Variants in DCP2 observed in about 807,000 individuals in gnomAD.
The protein encoded by DCP2 is m7GpppN-mRNA hydrolase.
DCP2 carries 30 observed loss-of-function variants against 56.1 expected under a neutral mutation model. The ratio of observed to expected loss-of-function variants is 0.53; its 90% CI spans 0.40 to 0.73. DCP2 has a LOEUF of 0.73. DCP2 is among the 30% of genes least tolerant of loss of function. The pLI, the probability that DCP2 is intolerant of heterozygous loss-of-function variation, is 0.00. For synonymous variants in DCP2, 197 were observed against 163.3 expected (o/e 1.21, Z -1.57); for missense variants, 533 against 502.7 (o/e 1.06, Z -0.58).
Position 113,020,160 on chromosome 5 carries a change from C to A in DCP2, c.*6676C>A, listed in dbSNP as rs1003130180. ...TATTTTGAGACCTTTTGCTGGTAGA[C>A]AAAAACTGAGGAAATGTTTCACTAA... On this transcript the variant is annotated 3_prime_UTR_variant, in exon 11 of 11. Coordinates refer to ENST00000389063, the MANE Select transcript of DCP2 (RefSeq NM_152624.6). The A allele has an allele frequency of 5.3e-5, 8 of 152,124 alleles. No individual in the cohort carries two copies. Among genetic ancestry groups the A allele is most frequent in the Non-Finnish European group, 1.2e-4 (8 of 68,004 alleles). The allele number at this position is 152,124 out of a possible 1,614,324, so 9.4% of individuals were successfully genotyped here.
intron 7 of DCP2, among the ~76,000 whole-genome samples, chr5:113,002,519 TTTTG>T (rs1475968370): frequency 1.3e-5 from 2 of 151,936 alleles, no homozygotes; most frequent in Non-Finnish European, 2.9e-5. Flanking sequence ...GCTTGGAACT[TTTTG>T]TTTGTTTTTT....
chr5:113,007,164 A>G, intron 8 of DCP2, among the ~76,000 whole-genome samples: 1 of 152,100 alleles, frequency 6.6e-6, no homozygotes, highest in East Asian at 1.9e-4. Flanking sequence ...GTTATTTTGT[A>G]AAAATATAGT....
intron 8 of DCP2, among the ~76,000 whole-genome samples, chr5:113,007,310 G>A (rs1477729699): frequency 6.6e-6 from 1 of 151,808 alleles, no homozygotes; most frequent in African/African-American, 2.4e-5. Context: ...TTACAGAGAG[G>A]TTCCATTTAT....
chr5:113,002,679 C>T (rs1226981272), intron 7 of DCP2, among the ~76,000 whole-genome samples: 1 of 152,018 alleles, frequency 6.6e-6, no homozygotes, highest in Non-Finnish European at 1.5e-5. Context: ...GCCACTAAGC[C>T]TGGCTAATTT....
Position 113,015,928 on chromosome 5 carries a change from T to A in DCP2, c.*2444T>A, listed in dbSNP as rs1367364315. On this transcript the variant is annotated 3_prime_UTR_variant, in exon 11 of 11. Transcript: ENST00000389063. ...TGAATATGCAATCATTTACTTCTAC[T>A]GAGTGCTGCATTTTAAGATGCTAGA... 1 of 152,660 alleles carries A rather than the reference T, an allele frequency of 6.6e-6. No individual in the cohort carries two copies. The highest frequency in any genetic ancestry group is 1.5e-5 in the Non-Finnish European group (1 of 68,042). The allele number at this position is 152,660 out of a possible 1,614,324, so 9.5% of individuals were successfully genotyped here.
In DCP2 at chr5:113,000,420, A is replaced by ACACACACACACACACACACACACC. The variant is rs112449298; in HGVS notation, c.433-659_433-658insACACACACACACACACACCCACAC. Among the ~76,000 whole-genome samples, 6 of 146,652 alleles carry ACACACACACACACACACACACACC rather than the reference A, an allele frequency of 4.1e-5. 1 individual carries two copies. Among genetic ancestry groups the ACACACACACACACACACACACACC allele is most frequent in the African/African-American group, 1.5e-4 (6 of 39,730 alleles). ...CTAATACACACACACACACACACACACACACCCACACACCCTACCTGAGTT... is the reference window on the plus strand; with the variant it reads ...CTAATACACACACACACACACACACACACACACACACACACACACACACCCACACCCACACACCCTACCTGAGTT... On this transcript the variant is annotated intron_variant, in intron 4 of 10. Coordinates refer to ENST00000389063, the MANE Select transcript of DCP2 (RefSeq NM_152624.6).
chr5:112,979,407 C>T (rs1747894213), intron 1 of DCP2, among the ~76,000 whole-genome samples: 1 of 151,868 alleles, frequency 6.6e-6, no homozygotes, highest in Non-Finnish European at 1.5e-5. Context: ...TTTTTTTACA[C>T]TTAGAATTTG....
chr5:113,001,053 T>G, intron 4 of DCP2, 31 bp from the exon 5 acceptor site: 2 of 1,563,838 alleles, frequency 1.3e-6, no homozygotes, highest in Non-Finnish European at 1.7e-6. Context: ...AGAACTAAAA[T>G]GAAAATTTCA....
intron 10 of DCP2, 143 bp downstream of exon 10, chr5:113,010,950 G>A: frequency 1.2e-6 from 1 of 825,204 alleles, no homozygotes. Flanking sequence ...GTTCATGTAT[G>A]TAGAGTTCTC....
At chr5:112,977,023 G>T (rs1335610095) in intron 1 of DCP2, 37 bp downstream of exon 1, 1 of 1,462,164 alleles carries the variant, frequency 6.8e-7, no homozygotes. Context: ...CCCCCGTCGG[G>T]TTTTCTCAGT....
chr5:112,984,119 A>G (rs910381186), intron 1 of DCP2: 10 of 152,212 alleles, frequency 6.6e-5, no homozygotes, highest in African/African-American at 2.4e-4. Context: ...ACAGATGTGT[A>G]CCAGGTGTAG....
Position 113,020,184 on chromosome 5 carries a change from A to C in DCP2, c.*6700A>C, listed in dbSNP as rs1750047447. On this transcript the variant is annotated 3_prime_UTR_variant, in exon 11 of 11. Transcript: ENST00000389063. ...ACAAAAACTGAGGAAATGTTTCACTAAATATATTATGGTCAATGAAAAAAC... is the reference window on the plus strand; with the variant it reads ...ACAAAAACTGAGGAAATGTTTCACTCAATATATTATGGTCAATGAAAAAAC... The C allele has an allele frequency of 6.6e-6, 1 of 152,220 alleles. No individual in the cohort carries two copies. The highest frequency in any genetic ancestry group is 2.1e-4 in the South Asian group (1 of 4,834). The allele number at this position is 152,220 out of a possible 1,614,324, so 9.4% of individuals were successfully genotyped here.
chr5:113,008,064 C>A lies in DCP2; in HGVS notation c.1047+22C>A, dbSNP rs1232022812. 4 of 1,586,722 alleles carry A rather than the reference C, an allele frequency of 2.5e-6. No individual in the cohort carries two copies. The Admixed American group carries it at 6.8e-5, about 27-fold the overall frequency. On this transcript the variant is annotated intron_variant, in intron 9 of 10. Transcript: ENST00000389063. ...GATGGTAAGAGTTATAGCTGTCACA[C>A]TAAGTAGGCAGTTCATCCTCTGAAG...
At chr5:113,007,877 T>A in intron 8 of DCP2, 61 bp from the exon 9 acceptor site, 4 of 1,347,770 alleles carry the variant, frequency 3.0e-6, no homozygotes, top group Non-Finnish European at 4.1e-6. Flanking sequence ...TCATGGGGTA[T>A]TTTTTTTGTG....
intron 4 of DCP2, among the ~76,000 whole-genome samples, chr5:112,994,978 G>A (rs958858148): frequency 6.6e-6 from 1 of 152,082 alleles, no homozygotes; most frequent in African/African-American, 2.4e-5. Context: ...TCGATTTCCT[G>A]CAACAATGTT....
At position 113,010,621 on chromosome 5, in the gene DCP2, GGAT is replaced by G. The variant is rs1749641348; in HGVS notation, c.1048-128_1048-126del. Reference sequence around the variant, plus strand: ...ATACAAAAATACTGGTGAGAGAATGGGATGATGATTATATTCCTGGTTCAGTTT... The same window carrying G: ...ATACAAAAATACTGGTGAGAGAATGGGATGATTATATTCCTGGTTCAGTTT... On this transcript the variant is annotated intron_variant, in intron 9 of 10. Transcript: ENST00000389063. 6.7e-6 allele frequency: 7 copies of G among 1,044,646 alleles called. No homozygotes were observed. The South Asian group carries it at 1.0e-4, about 15-fold the overall frequency. 64.7% of individuals were successfully genotyped at this position (1,044,646 alleles called of 1,614,324 possible).
chr5:112,988,460 C>G (rs923473268), intron 2 of DCP2, among the ~76,000 whole-genome samples: 29 of 139,030 alleles, frequency 2.1e-4, no homozygotes, highest in African/African-American at 7.7e-4. Flanking sequence ...CCACTGCACT[C>G]CAGCCTGGGT....
rs373599829 is a variant in DCP2 at position 113,016,840 on chromosome 5, C to CTTTTTTTTTTTTTTTTTTTTTTTTTTT, written c.*3374_*3375insTTTTTTTTTTTTTTTTTTTTTTTTTTT. 1 of 122,392 alleles carries CTTTTTTTTTTTTTTTTTTTTTTTTTTT rather than the reference C, an allele frequency of 8.2e-6. No individual in the cohort carries two copies. Among genetic ancestry groups the CTTTTTTTTTTTTTTTTTTTTTTTTTTT allele is most frequent in the Non-Finnish European group, 1.6e-5 (1 of 60,894 alleles). 7.6% of individuals were successfully genotyped at this position (122,392 alleles called of 1,614,324 possible). A position where few individuals can be genotyped will look rare whatever the true frequency, so the allele number is the denominator to read the frequency against. ...TTTTCTTACCACAATACCCTCTTGG[C>CTTTTTTTTTTTTTTTTTTTTTTTTTTT]TTTTTTTTTTTTTTTTTTGAGATGG... On this transcript the variant is annotated 3_prime_UTR_variant, in exon 11 of 11. Transcript: ENST00000389063.
chr5:112,990,179 G>C (rs1463652567), intron 2 of DCP2, among the ~76,000 whole-genome samples: 1 of 152,146 alleles, frequency 6.6e-6, no homozygotes, highest in African/African-American at 2.4e-5. Flanking sequence ...GTACATGTGG[G>C]ATATTGCAGT....
Sources: allele counts gnomAD v4.1 joint callset (sites outside exome capture counted in the v4.1 genomes callset), GRCh38; gene constraint gnomAD v4.1.1; transcripts MANE v1.5; gene names NCBI Gene and HGNC (gene_info 2026-07-23, HGNC 2026-07-21).